Variants in UBXN6 observed in about 807,000 individuals in gnomAD.
The protein encoded by UBXN6 is UBX domain protein 6, also known as UBX domain-containing protein 6.
Under a neutral mutation model 51.4 loss-of-function variants are expected in UBXN6, and 44 were observed. The ratio of observed to expected loss-of-function variants is 0.86; its 90% CI spans 0.67 to 1.10. The LOEUF (loss-of-function observed/expected upper bound fraction) is 1.10, where lower values mean the gene tolerates loss of function less well. UBXN6 is among the 50% of genes least tolerant of loss of function. UBXN6 has a pLI of 0.00. For synonymous variants in UBXN6, 316 were observed against 263.2 expected, an observed-to-expected ratio of 1.20 and a Z score of -1.94; for missense variants, 672 against 596.1, an observed-to-expected ratio of 1.13 and a Z score of -1.32.
intron 4 of UBXN6, chr19:4,450,527 G>C (rs960992327): frequency 6.6e-6 from 1 of 152,086 alleles, no homozygotes; most frequent in Non-Finnish European, 1.5e-5. Context: ...GGGAGGCCGA[G>C]GCGGGCGGAT....
At chr19:4,447,860 A>G in intron 5 of UBXN6, 2 of 559,762 alleles carry the variant, frequency 3.6e-6, no homozygotes. Context: ...TCACCGTCCC[A>G]CCAGCCCTGG....
intron 10 of UBXN6, chr19:4,445,837 C>T: frequency 9.6e-7 from 1 of 1,044,816 alleles, no homozygotes; most frequent in Non-Finnish European, 1.3e-6. Flanking sequence ...CGTCACCGCT[C>T]CCATTTGATG....
chr19:4,447,520 T>G (rs1436753823), intron 6 of UBXN6, 30 bp downstream of exon 6: 2 of 1,611,304 alleles, frequency 1.2e-6, no homozygotes, highest in African/African-American at 1.3e-5. Context: ...ACCCCCAGCC[T>G]GGGCCCCGGG....
rs1290292839 is a variant in UBXN6, at chr19:4,453,929, C to A, written c.247+1G>T. 1 of 1,609,562 alleles carries A rather than the reference C, an allele frequency of 6.2e-7. No homozygotes were observed. Among genetic ancestry groups the A allele is most frequent in the Non-Finnish European group, 8.5e-7 (1 of 1,179,798 alleles). On this transcript the variant is annotated splice_donor_variant, in intron 2 of 10. Transcript: ENST00000301281. LOFTEE classifies it high-confidence loss of function. ...TGGGCCCGAGGAGGGCCATATCTCA[C>A]CCTGGTTTCGGATGGTGTCCTGCGA...
At chr19:4,448,569 T>A in intron 4 of UBXN6, 154 bp from the exon 5 acceptor site, 1 of 665,318 alleles carries the variant, frequency 1.5e-6, no homozygotes, top group Admixed American at 2.5e-5. Context: ...AGAGAGACCC[T>A]CCAAGACCGC....
Position 4,445,502 on chromosome 19 carries a change from A to G in UBXN6, c.1322T>C (p.Leu441Ser), listed in dbSNP as rs1199183364. The change falls in exon 11 of 11, where the codon TTG (leucine) becomes TCG (serine). Residue 441 changes from leucine (L) to serine (S), a missense_variant. Coordinates refer to ENST00000301281, the MANE Select transcript of UBXN6 (RefSeq NM_025241.3). ...GAGGCCAACCCTGCTTTTATTTCAC[A>G]AGAGCTTCTCGATGGCTGACAGGAG... is the stretch of plus-strand genomic sequence containing the variant. ...PELLSAIEKL[L>S] The G allele has an allele frequency of 1.2e-6, 2 of 1,613,746 alleles. No individual in the cohort carries two copies. Among genetic ancestry groups the G allele is most frequent in the South Asian group, 1.1e-5 (1 of 91,084 alleles).
intron 1 of UBXN6, among the ~76,000 whole-genome samples, chr19:4,457,197 C>A (rs967263902): frequency 2.4e-4 from 37 of 152,108 alleles, no homozygotes. Flanking sequence ...CCTCACCACC[C>A]GGCTCAGGAC....
At chr19:4,453,308 C>T (rs1304517165) in intron 3 of UBXN6, 150 bp downstream of exon 3, 26 of 855,646 alleles carry the variant, frequency 3.0e-5, no homozygotes, top group Non-Finnish European at 3.6e-5. Flanking sequence ...CAGACAACAC[C>T]GTGTTCCACC....
rs534275993 is a variant in UBXN6, at chr19:4,451,887, C to T, written c.441+477G>A. 1.2e-4 allele frequency among the ~76,000 whole-genome samples: 19 copies of T among 152,070 alleles called. No individual in the cohort carries two copies. In the East Asian group the frequency reaches 3.5e-3, roughly 28 times the overall value. On this transcript the variant is annotated intron_variant, in intron 4 of 10. Transcript: ENST00000301281. The stretch of plus-strand genomic sequence containing the variant: ...CAACCAGGCCACGCGTGGTGGCTCA[C>T]GTCTGTAATCCTAGCACTTTGGGAG...
At chr19:4,449,572 G>A (rs528860858) in intron 4 of UBXN6, 100 of 152,474 alleles carry the variant, frequency 6.6e-4, no homozygotes, top group Non-Finnish European at 1.2e-3. Flanking sequence ...GGATCAGAGC[G>A]CCCGGGACAG....
intron 2 of UBXN6, 80 bp from the exon 3 acceptor site, chr19:4,453,602 GGGGTGGGCCT>G (rs2145187564): frequency 6.5e-7 from 1 of 1,544,146 alleles, no homozygotes; most frequent in South Asian, 1.2e-5. Flanking sequence ...CCTCATTCCC[GGGGTGGGCCT>G]GGGGGCCACG....
chr19:4,446,763 C>G (rs745992034), intron 7 of UBXN6, 44 bp from the exon 8 acceptor site: 1 of 1,611,724 alleles, frequency 6.2e-7, no homozygotes, highest in African/African-American at 1.3e-5. Flanking sequence ...AATGGAGAGA[C>G]CCCCAAGCCG....
At position 4,446,313 on chromosome 19, in the gene UBXN6, C is replaced by T. The variant is rs186322973; in HGVS notation, c.1021G>A (p.Val341Met). The stretch of plus-strand genomic sequence containing the variant: ...AGGAGGCAGCCATCGGGGAGGCGCA[C>T]GCGCAGCAGCGTGTAGTTGTACTTG... ...LRKYNYTLLR[V>M]RLPDGCLLQG... Residue 341 changes from valine to methionine, a missense_variant, in exon 9 of 11, where the codon GTG (valine) becomes ATG (methionine). Physicochemically the swap from Val to Met is conservative, Grantham distance 21. Transcript: ENST00000301281. The T allele has an allele frequency of 3.3e-5, 52 of 1,571,558 alleles. No individual in the cohort carries two copies. Among genetic ancestry groups the T allele is most frequent in the Admixed American group, 2.2e-4 (12 of 55,230 alleles).
chr19:4,448,482 G>T, intron 4 of UBXN6, 67 bp from the exon 5 acceptor site: 2 of 1,301,568 alleles, frequency 1.5e-6, no homozygotes, highest in Non-Finnish European at 2.2e-6. Context: ...CCGCTGCCCA[G>T]GTAACAGGGG....
At chr19:4,453,745 G>A (rs1179123826) in intron 2 of UBXN6, among the ~76,000 whole-genome samples, 185 bp downstream of exon 2, 2 of 152,158 alleles carry the variant, frequency 1.3e-5, no homozygotes, top group East Asian at 1.9e-4. Context: ...TCTGCTCCAA[G>A]TCTCTGCTCC....
chr19:4,445,647 T>C, intron 10 of UBXN6, 24 bp from the exon 11 acceptor site: 1 of 1,603,672 alleles, frequency 6.2e-7, no homozygotes, highest in Non-Finnish European at 8.5e-7. Flanking sequence ...AGGCCGTCAC[T>C]CTGAGACCGA....
At chr19:4,448,558 AAG>A (rs1487557450) in intron 4 of UBXN6, 143 bp from the exon 5 acceptor site, 5 of 698,750 alleles carry the variant, frequency 7.2e-6, no homozygotes, top group South Asian at 1.8e-5. Context: ...CAGAAAGGAA[AAG>A]AGAGACCCTC....
In UBXN6 at chr19:4,448,421, A is replaced by C; in HGVS notation, c.442-6T>G. 6.2e-7 allele frequency: 1 copy of C among 1,602,056 alleles called. No individual in the cohort carries two copies. Among genetic ancestry groups the C allele is most frequent in the Non-Finnish European group, 8.5e-7 (1 of 1,175,154 alleles). On this transcript the variant is annotated splice_polypyrimidine_tract_variant and splice_region_variant and intron_variant, in intron 4 of 10. Transcript: ENST00000301281. ...ACTGGGTCGGTGGAGAAGTGCTGGG[A>C]GGAGGGAAGCAGGGAAAGCCACTCA...
rs1219989213 is a variant in UBXN6 at position 4,453,483 on chromosome 19, C to T, written c.287G>A (p.Ser96Asn). Reference sequence around the variant, plus strand: ...CACGTTGGTCCCTGGGGCCTCGGGGCTCCCGCTGACGGTGGCTTCGGCTTG... The same window carrying T: ...CACGTTGGTCCCTGGGGCCTCGGGGTTCCCGCTGACGGTGGCTTCGGCTTG... ...ELQAEATVSG[S>N]PEAPGTNVVS... is the part of the protein sequence containing the mutation. The change falls in exon 3 of 11, where the codon AGC becomes AAC. Residue 96 changes from serine to asparagine, a missense_variant. Ser to Asn is a conservative substitution (Grantham distance 46). Transcript: ENST00000301281. The T allele has an allele frequency of 5.0e-6, 8 of 1,613,768 alleles. No homozygotes were observed. The highest frequency in any genetic ancestry group is 2.7e-5 in the African/African-American group (2 of 74,952).
Sources: gnomAD v4.1 joint callset for allele counts (sites outside exome capture counted in the v4.1 genomes callset) on GRCh38, gnomAD v4.1.1 for gene constraint, MANE v1.5 for transcripts, NCBI Gene and HGNC (gene_info 2026-07-23, HGNC 2026-07-21) for gene names.